Variants in GRID1 observed in about 807,000 individuals in gnomAD.
GRID1 encodes glutamate ionotropic receptor delta type subunit 1.
In GRID1, 28 loss-of-function variants were observed where a neutral mutation model predicts 98.0. That is an observed-to-expected ratio of 0.29 (90% CI 0.21 to 0.39). The LOEUF (loss-of-function observed/expected upper bound fraction) is 0.39. GRID1 is among the 10% of genes least tolerant of loss of function. GRID1 has a pLI of 1.00. For missense variants in GRID1, 1,111 were observed against 1,340.5 expected (o/e 0.83, Z 2.67); for synonymous variants, 553 against 538.5 (o/e 1.03, Z -0.37).
At chr10:86,078,684 T>C (rs1843920859) in intron 4 of GRID1, among the ~76,000 whole-genome samples, 2 of 152,206 alleles carry the variant, frequency 1.3e-5, no homozygotes, top group South Asian at 4.1e-4. Flanking sequence ...AAAGAACGCT[T>C]GGGGGCCTAG....
intron 8 of GRID1, among the ~76,000 whole-genome samples, chr10:85,836,119 G>C (rs1050623175): frequency 6.6e-6 from 1 of 151,544 alleles, no homozygotes; most frequent in Non-Finnish European, 1.5e-5. Context: ...TCTACTTCAA[G>C]GAGTAAAAAA....
chr10:86,223,191 C>A (rs1428812446), intron 2 of GRID1, among the ~76,000 whole-genome samples: 3 of 152,162 alleles, frequency 2.0e-5, no homozygotes, highest in African/African-American at 7.2e-5. Context: ...TGGCTGAGAG[C>A]GGGATGGCTA....
intron 4 of GRID1, among the ~76,000 whole-genome samples, chr10:85,946,680 G>C (rs1473755789): frequency 6.6e-6 from 1 of 152,184 alleles, no homozygotes. Flanking sequence ...CGGGGATTGC[G>C]GGGGGAAGAA....
intron 3 of GRID1, among the ~76,000 whole-genome samples, chr10:86,182,406 C>A (rs1845668888): frequency 6.6e-6 from 1 of 152,264 alleles, no homozygotes; most frequent in Admixed American, 6.5e-5. Context: ...CACAGTGAGA[C>A]TGGCCAAGGC....
At chr10:85,884,350 T>A (rs1002684455) in intron 5 of GRID1, among the ~76,000 whole-genome samples, 10 of 152,166 alleles carry the variant, frequency 6.6e-5, no homozygotes, top group African/African-American at 2.2e-4. Flanking sequence ...TAGCTCCCTA[T>A]ATGTTTTGAC....
At chr10:85,874,941 C>A (rs755367392) in intron 5 of GRID1, among the ~76,000 whole-genome samples, 2 of 152,194 alleles carry the variant, frequency 1.3e-5, no homozygotes, top group Non-Finnish European at 2.9e-5. Context: ...TCTCGGCTCA[C>A]TGCAACCTCC....
At chr10:85,766,280 G>C (rs770303530) in intron 8 of GRID1, among the ~76,000 whole-genome samples, 12 of 152,208 alleles carry the variant, frequency 7.9e-5, no homozygotes, top group Non-Finnish European at 1.5e-4. Context: ...AAGCCCAAGA[G>C]TTCGAGACCA....
intron 4 of GRID1, among the ~76,000 whole-genome samples, chr10:86,013,332 T>C (rs532959213): frequency 2.6e-5 from 4 of 152,336 alleles, no homozygotes; most frequent in African/African-American, 9.6e-5. Flanking sequence ...GCTTCCTCAT[T>C]AACTATTTGA....
chr10:85,952,368 C>A (rs1358851767), intron 4 of GRID1, among the ~76,000 whole-genome samples: 1 of 152,168 alleles, frequency 6.6e-6, no homozygotes, highest in Non-Finnish European at 1.5e-5. Flanking sequence ...TTTTAAGATC[C>A]ATCCAGAGGA....
rs186738829 is a variant in GRID1, at chr10:85,970,299, C to T, written c.727-54060G>A. The stretch of plus-strand genomic sequence containing the variant: ...TTCCAAAAAATAGAATAGGAGGGAA[C>T]ACTTCCAAACTCATTCTAAGAGGCT... On this transcript the variant is annotated intron_variant, in intron 4 of 15. Coordinates refer to ENST00000327946, the MANE Select transcript of GRID1 (RefSeq NM_017551.3). Among the ~76,000 whole-genome samples, 227 of 152,162 alleles carry T rather than the reference C, an allele frequency of 1.5e-3. 1 individual carries two copies. Among genetic ancestry groups the T allele is most frequent in the African/African-American group, 5.1e-3 (210 of 41,566 alleles).
At chr10:85,766,702 A>T (rs774650907) in intron 8 of GRID1, among the ~76,000 whole-genome samples, 16 of 147,688 alleles carry the variant, frequency 1.1e-4, no homozygotes, top group Non-Finnish European at 2.2e-4. Flanking sequence ...GGGAGAAATT[A>T]TTATGGAACT....
At chr10:86,115,804 C>CCTG (rs1300086874) in intron 4 of GRID1, among the ~76,000 whole-genome samples, 1 of 152,232 alleles carries the variant, frequency 6.6e-6, no homozygotes, top group African/African-American at 2.4e-5. Context: ...GAGGCCAAAA[C>CCTG]ATGTGTACGA....
chr10:86,040,695 T>C (rs1421166094), intron 4 of GRID1, among the ~76,000 whole-genome samples: 1 of 152,094 alleles, frequency 6.6e-6, no homozygotes, highest in Non-Finnish European at 1.5e-5. Flanking sequence ...AGGGTGACTA[T>C]AGCTAACAAT....
At chr10:85,904,495 T>C (rs2131817688) in intron 5 of GRID1, among the ~76,000 whole-genome samples, 1 of 152,112 alleles carries the variant, frequency 6.6e-6, no homozygotes, top group East Asian at 1.9e-4. Context: ...AGAAGAAAAC[T>C]GCACAGAGAG....
At chr10:85,895,012 A>ATATATATATAT (rs1269376668) in intron 5 of GRID1, among the ~76,000 whole-genome samples, 7 of 115,966 alleles carry the variant, frequency 6.0e-5, no homozygotes, top group African/African-American at 9.1e-5. Flanking sequence ...AAAAAAAAAA[A>ATATATATATAT]AAAAATATAT....
chr10:86,227,285 G>A (rs1286851881), intron 2 of GRID1, among the ~76,000 whole-genome samples: 2 of 152,224 alleles, frequency 1.3e-5, no homozygotes, highest in Non-Finnish European at 2.9e-5. Context: ...GGGGTGTATG[G>A]TGGGTCATAG....
intron 12 of GRID1, among the ~76,000 whole-genome samples, chr10:85,670,063 C>A (rs1294266540): frequency 6.6e-6 from 1 of 152,070 alleles, no homozygotes; most frequent in Non-Finnish European, 1.5e-5. Context: ...CTTTTTTATT[C>A]AGAAATACAT....
chr10:86,300,068 C>T (rs994525523), intron 2 of GRID1, among the ~76,000 whole-genome samples: 12 of 152,074 alleles, frequency 7.9e-5, no homozygotes, highest in African/African-American at 2.7e-4. Flanking sequence ...GCCTTACATC[C>T]AACACCTGGT....
chr10:86,249,558 C>G (rs757447612), intron 2 of GRID1, among the ~76,000 whole-genome samples: 6 of 152,226 alleles, frequency 3.9e-5, no homozygotes, highest in Non-Finnish European at 8.8e-5. Context: ...TCCTACCACA[C>G]TCCACCTCCA....
Sources: gnomAD v4.1 joint callset for allele counts (sites outside exome capture counted in the v4.1 genomes callset) on GRCh38, gnomAD v4.1.1 for gene constraint, MANE v1.5 for transcripts, NCBI Gene and HGNC (gene_info 2026-07-23, HGNC 2026-07-21) for gene names.